Variants in FGF14 observed in about 807,000 individuals in gnomAD.
FGF14 encodes fibroblast growth factor homologous factor 4.
FGF14 carries 5 observed loss-of-function variants against 25.5 expected under a neutral mutation model. That is an observed-to-expected ratio of 0.20 (90% confidence interval 0.10 to 0.41). FGF14 has a LOEUF of 0.41. Ranked by LOEUF, FGF14 falls within the 10% of genes least tolerant of loss-of-function variation. The pLI, the probability that FGF14 is intolerant of heterozygous loss-of-function variation, is 1.00. For missense variants in FGF14, 222 were observed against 320.1 expected (o/e 0.69, Z 2.34); for synonymous variants, 138 against 118.3 (o/e 1.17, Z -1.08).
intron 1 of FGF14, among the ~76,000 whole-genome samples, chr13:102,326,688 GGGAAGGGAAGGAAGGAAGGAA>G (rs1473122272): frequency 1.5e-3 from 89 of 58,348 alleles, no homozygotes; most frequent in Non-Finnish European, 1.9e-3. Flanking sequence ...GGGAAGGGAA[GGGAAGGGAAGGAAGGAAGGAA>G]GGAAGGAAGG....
In FGF14 at chr13:102,326,701, A is replaced by AG. The variant is rs1436522706; in HGVS notation, c.208+74769dup. ...AAGGGAAGGGAAGGGAAGGGAAGGAAGGAAGGAAGGAAGGAAGGAAGGAAG... is the reference window on the plus strand; with the variant it reads ...AAGGGAAGGGAAGGGAAGGGAAGGAAGGGAAGGAAGGAAGGAAGGAAGGAAG... On this transcript the variant is annotated intron_variant, in intron 1 of 4. Coordinates refer to the FGF14 transcript ENST00000376131. Among the ~76,000 whole-genome samples, 182 of 50,534 alleles carry AG rather than the reference A, an allele frequency of 3.6e-3. 1 individual carries two copies. Among genetic ancestry groups the AG allele is most frequent in the African/African-American group, 0.017 (129 of 7,776 alleles). 33.2% of individuals were successfully genotyped at this position (50,534 alleles called of 152,430 possible). A position where few individuals can be genotyped will look rare whatever the true frequency, so the allele number is the denominator to read the frequency against.
chr13:101,960,206 T>C (rs2036758981), intron 1 of FGF14, among the ~76,000 whole-genome samples: 1 of 152,232 alleles, frequency 6.6e-6, no homozygotes, highest in Admixed American at 6.5e-5. Context: ...TTGTCTCCTT[T>C]CTTAATTAAG....
intron 1 of FGF14, among the ~76,000 whole-genome samples, chr13:102,165,805 T>TATAATAATAATA (rs142783245): frequency 2.0e-5 from 3 of 148,320 alleles, no homozygotes; most frequent in African/African-American, 7.4e-5. Context: ...AAACTTAAAG[T>TATAATAATAATA]ATAATAATAA....
chr13:101,796,071 T>C (rs1299692756), intron 3 of FGF14, among the ~76,000 whole-genome samples: 9 of 152,096 alleles, frequency 5.9e-5, no homozygotes, highest in Non-Finnish European at 1.0e-4. Flanking sequence ...TGGCCAAAAT[T>C]AACAGCAGTT....
At chr13:101,854,906 G>A (rs2044042859) in intron 3 of FGF14, among the ~76,000 whole-genome samples, 1 of 152,134 alleles carries the variant, frequency 6.6e-6, no homozygotes, top group East Asian at 1.9e-4. Flanking sequence ...ACAAATGAGT[G>A]TGCAGGAAAA....
intron 1 of FGF14, among the ~76,000 whole-genome samples, chr13:102,220,643 T>G (rs1180772309): frequency 4.6e-5 from 7 of 151,686 alleles, no homozygotes; most frequent in African/African-American, 1.7e-4. Context: ...AATAACAGAG[T>G]TTTTCAAGGC....
chr13:102,269,007 T>G (rs1463829606), intron 1 of FGF14, among the ~76,000 whole-genome samples: 2 of 152,202 alleles, frequency 1.3e-5, no homozygotes, highest in Non-Finnish European at 2.9e-5. Context: ...TCTGGAGAGA[T>G]ACAACTTTCT....
intron 1 of FGF14, among the ~76,000 whole-genome samples, chr13:102,280,527 A>T (rs2053776262): frequency 6.6e-6 from 1 of 152,170 alleles, no homozygotes; most frequent in Non-Finnish European, 1.5e-5. Context: ...ATGGAACAGG[A>T]TGTTTGATCA....
chr13:102,397,396 C>T (rs534132328), intron 1 of FGF14, among the ~76,000 whole-genome samples: 6 of 152,254 alleles, frequency 3.9e-5, no homozygotes, highest in South Asian at 2.1e-4. Flanking sequence ...CAAAGTTACA[C>T]GACAGAGCGG....
intron 3 of FGF14, among the ~76,000 whole-genome samples, chr13:101,833,420 G>A (rs1426513979): frequency 6.6e-6 from 1 of 151,884 alleles, no homozygotes; most frequent in Non-Finnish European, 1.5e-5. Flanking sequence ...AGTTGTTATG[G>A]GCATAAACTA....
chr13:102,187,059 A>G (rs1164613504), intron 1 of FGF14, among the ~76,000 whole-genome samples: 2 of 152,330 alleles, frequency 1.3e-5, no homozygotes, highest in East Asian at 3.9e-4. Context: ...ATTTAGGTAG[A>G]GTACATATGG....
intron 1 of FGF14, among the ~76,000 whole-genome samples, chr13:102,375,346 T>C (rs1413612821): frequency 6.6e-6 from 1 of 152,162 alleles, no homozygotes; most frequent in Non-Finnish European, 1.5e-5. Flanking sequence ...TAGCACAGTG[T>C]ACAAGACACA....
chr13:101,904,433 A>C (rs1286042665), intron 1 of FGF14, among the ~76,000 whole-genome samples: 1 of 152,384 alleles, frequency 6.6e-6, no homozygotes, highest in East Asian at 1.9e-4. Flanking sequence ...AAATTTAAAA[A>C]AGAGAAGGAA....
chr13:102,349,460 C>T lies in FGF14; in HGVS notation c.208+52011G>A, dbSNP rs189963090. Among the ~76,000 whole-genome samples the T allele has an allele frequency of 1.9e-3, 288 of 152,260 alleles. 1 individual carries two copies. The highest frequency in any genetic ancestry group is 2.8e-3 in the Non-Finnish European group (191 of 68,008). On this transcript the variant is annotated intron_variant, in intron 1 of 4. Coordinates refer to the FGF14 transcript ENST00000376131. ...TAATATTCATTCTATTGCTTACAAA[C>T]CCCAAAAGAGAATTGATGTCATGTT...
chr13:102,243,420 T>C (rs1302954408), intron 1 of FGF14, among the ~76,000 whole-genome samples: 1 of 152,104 alleles, frequency 6.6e-6, no homozygotes, highest in Non-Finnish European at 1.5e-5. Context: ...ATTATGTAAC[T>C]GTATAAACCC....
At chr13:102,168,977 T>C (rs4771420) in intron 1 of FGF14, among the ~76,000 whole-genome samples, 20,660 of 151,448 alleles carry the variant, frequency 0.14, 2,706 homozygotes, top group East Asian at 0.7. Flanking sequence ...AGTTAGATGC[T>C]AAATTATATC....
chr13:101,869,486 A>G (rs774398162), intron 2 of FGF14, among the ~76,000 whole-genome samples: 7 of 152,330 alleles, frequency 4.6e-5, no homozygotes, highest in Admixed American at 1.3e-4. Context: ...TAGTGCAGAT[A>G]GCAACGTTAT....
chr13:102,026,398 C>T (rs963345207), intron 1 of FGF14, among the ~76,000 whole-genome samples: 22 of 151,488 alleles, frequency 1.5e-4, no homozygotes, highest in African/African-American at 5.3e-4. Context: ...GATCAATATA[C>T]TTATTTCCTT....
chr13:102,103,467 A>ATTT (rs10679328), intron 1 of FGF14, among the ~76,000 whole-genome samples: 5,091 of 151,612 alleles, frequency 0.034, 276 homozygotes, highest in African/African-American at 0.11. Flanking sequence ...TGAGCCCCTG[A>ATTT]TTTTTTTTGT....
Sources: allele counts gnomAD v4.1 joint callset (sites outside exome capture counted in the v4.1 genomes callset), GRCh38; gene constraint gnomAD v4.1.1; transcripts MANE v1.5; gene names NCBI Gene and HGNC (gene_info 2026-07-23, HGNC 2026-07-21).